SIPA1L1: variants seen among roughly 807,000 people sequenced by gnomAD.
SIPA1L1 encodes the protein signal induced proliferation associated 1 like 1.
In SIPA1L1, 26 loss-of-function variants were observed where a neutral mutation model predicts 162.7. The ratio of observed to expected loss-of-function variants is 0.16; its 90% confidence interval spans 0.12 to 0.22. The LOEUF (loss-of-function observed/expected upper bound fraction) is 0.22, where lower values mean the gene tolerates loss of function less well. Among genes scored for constraint, SIPA1L1 ranks in the 10% least tolerant of loss-of-function variants. The pLI is 1.00. For missense variants in SIPA1L1, 1,874 were observed against 2,241.0 expected (o/e 0.84, Z 3.31); for synonymous variants, 829 against 837.4 (o/e 0.99, Z 0.17).
At chr14:71,376,764 A>C (rs1349398050) in intron 2 of SIPA1L1, among the ~76,000 whole-genome samples, 1 of 151,872 alleles carries the variant, frequency 6.6e-6, no homozygotes, top group Non-Finnish European at 1.5e-5. Flanking sequence ...AGTGGTGATG[A>C]CTCTTAACGA....
chr14:71,354,294 T>C (rs1263252740), intron 2 of SIPA1L1, among the ~76,000 whole-genome samples: 3 of 151,718 alleles, frequency 2.0e-5, no homozygotes, highest in Non-Finnish European at 4.4e-5. Context: ...TTTTTTTTTT[T>C]TTTGAGATGG....
intron 7 of SIPA1L1, among the ~76,000 whole-genome samples, chr14:71,641,781 C>G (rs2041743478): frequency 1.3e-5 from 2 of 152,136 alleles, no homozygotes; most frequent in Middle Eastern, 3.4e-3. Context: ...AAAGAGTAAC[C>G]CTCACAATGG....
intron 4 of SIPA1L1, among the ~76,000 whole-genome samples, chr14:71,560,613 G>A (rs1309461288): frequency 6.6e-6 from 1 of 152,116 alleles, no homozygotes; most frequent in Non-Finnish European, 1.5e-5. Flanking sequence ...ATGGCCACAG[G>A]GCAAAAGAGT....
At chr14:71,409,671 G>T (rs1189511199) in intron 2 of SIPA1L1, among the ~76,000 whole-genome samples, 8 of 152,052 alleles carry the variant, frequency 5.3e-5, no homozygotes, top group Admixed American at 4.6e-4. Flanking sequence ...GTTTTTGATG[G>T]TCATCATTGT....
At chr14:71,677,145 C>G (rs1425034311) in intron 12 of SIPA1L1, among the ~76,000 whole-genome samples, 35 of 152,118 alleles carry the variant, frequency 2.3e-4, no homozygotes, top group African/African-American at 8.2e-4. Flanking sequence ...GTTGTTTCCT[C>G]ATTTTTTAAT....
rs1392897139 is a variant in SIPA1L1, at chr14:71,321,152, C to G, written c.-494C>G. On this transcript the variant is annotated 5_prime_UTR_variant, in exon 2 of 24. Coordinates refer to ENST00000381232, the MANE Select transcript of SIPA1L1 (RefSeq NM_001386936.1). ...GCGCGCGGCGGACGCGCCCGGGACG[C>G]GCGGCGGCACCGGGAGGCCGGGCCG... The G allele has an allele frequency of 6.6e-6, 1 of 152,112 alleles. No individual in the cohort carries two copies. Among genetic ancestry groups the G allele is most frequent in the East Asian group, 1.9e-4 (1 of 5,136 alleles). The allele number at this position is 152,112 out of a possible 1,614,324, so 9.4% of individuals were successfully genotyped here.
chr14:71,517,667 C>G (rs1273648577), intron 3 of SIPA1L1, among the ~76,000 whole-genome samples: 1 of 152,118 alleles, frequency 6.6e-6, no homozygotes, highest in African/African-American at 2.4e-5. Context: ...TCCATTGCCC[C>G]ACAGCTTTGC....
chr14:71,330,678 A>G (rs1392496848), intron 2 of SIPA1L1: 3 of 877,766 alleles, frequency 3.4e-6, no homozygotes, highest in Non-Finnish European at 5.9e-6. Flanking sequence ...CCCTCTCATG[A>G]GGAGGAATCC....
intron 20 of SIPA1L1, among the ~76,000 whole-genome samples, chr14:71,732,735 C>A (rs934586937): frequency 6.6e-6 from 1 of 152,190 alleles, no homozygotes. Flanking sequence ...AATGCCAGTT[C>A]CACCCCTAAA....
chr14:71,540,483 G>A (rs2054280342), intron 4 of SIPA1L1, among the ~76,000 whole-genome samples: 1 of 152,042 alleles, frequency 6.6e-6, no homozygotes, highest in South Asian at 2.1e-4. Context: ...GAGCTCAAGA[G>A]CAGCCTGGGC....
intron 10 of SIPA1L1, among the ~76,000 whole-genome samples, chr14:71,662,110 T>C (rs1227753444): frequency 6.6e-6 from 1 of 152,196 alleles, no homozygotes; most frequent in African/African-American, 2.4e-5. Context: ...GTAAGGGTAA[T>C]GTTCTGGCAT....
chr14:71,708,851 GAATTAA>G (rs1045869780), intron 16 of SIPA1L1, among the ~76,000 whole-genome samples: 1 of 152,098 alleles, frequency 6.6e-6, no homozygotes, highest in African/African-American at 2.4e-5. Context: ...AGGGCTTTTA[GAATTAA>G]CATGCTTTCT....
At chr14:71,427,669 C>G (rs777672623) in intron 2 of SIPA1L1, among the ~76,000 whole-genome samples, 4 of 152,104 alleles carry the variant, frequency 2.6e-5, no homozygotes, top group Non-Finnish European at 5.9e-5. Context: ...TTCACTGATT[C>G]TTTCTTCTGC....
intron 5 of SIPA1L1, among the ~76,000 whole-genome samples, chr14:71,611,291 C>G (rs1350707525): frequency 6.6e-6 from 1 of 152,160 alleles, no homozygotes; most frequent in Non-Finnish European, 1.5e-5. Flanking sequence ...TCTGTCCTCT[C>G]TTTCTTAGTC....
chr14:71,498,699 G>C (rs992440883), intron 2 of SIPA1L1, among the ~76,000 whole-genome samples: 7 of 152,058 alleles, frequency 4.6e-5, no homozygotes, highest in Non-Finnish European at 7.4e-5. Context: ...CTTGAGTTTG[G>C]GTAGTTTTTG....
At chr14:71,683,363 T>A (rs2149532054) in intron 12 of SIPA1L1, among the ~76,000 whole-genome samples, 2 of 152,318 alleles carry the variant, frequency 1.3e-5, no homozygotes, top group Non-Finnish European at 2.9e-5. Context: ...TCTTTGAGTT[T>A]ACAAGTTAGA....
intron 22 of SIPA1L1, among the ~76,000 whole-genome samples, chr14:71,735,960 C>T (rs2085252877): frequency 6.6e-6 from 1 of 152,172 alleles, no homozygotes; most frequent in Non-Finnish European, 1.5e-5. Flanking sequence ...TTCTGTTTTC[C>T]CCTTAGTTTC....
chr14:71,717,907 T>G (rs981017708), intron 17 of SIPA1L1, among the ~76,000 whole-genome samples: 2 of 152,152 alleles, frequency 1.3e-5, no homozygotes, highest in African/African-American at 4.8e-5. Context: ...CTCTGGAAGA[T>G]CTAACACAAG....
chr14:71,725,849 C>A (rs1255726162), intron 19 of SIPA1L1, among the ~76,000 whole-genome samples: 1 of 152,156 alleles, frequency 6.6e-6, no homozygotes, highest in African/African-American at 2.4e-5. Flanking sequence ...GATTTGTAGT[C>A]TATTTGAAGA....
Sources: gnomAD v4.1 joint callset for allele counts (sites outside exome capture counted in the v4.1 genomes callset) on GRCh38, gnomAD v4.1.1 for gene constraint, MANE v1.5 for transcripts, NCBI Gene and HGNC (gene_info 2026-07-23, HGNC 2026-07-21) for gene names.